Variants in WDFY3 observed in about 807,000 individuals in gnomAD.
The protein encoded by WDFY3 is WD repeat and FYVE domain-containing protein 3.
In WDFY3, 66 loss-of-function variants were observed where a neutral mutation model predicts 409.6. That is an observed-to-expected ratio of 0.16 (90% CI 0.13 to 0.20). The LOEUF is 0.20. Ranked by LOEUF, WDFY3 falls within the 10% of genes least tolerant of loss-of-function variation. WDFY3 has a pLI of 1.00. For synonymous variants in WDFY3, 1,521 were observed against 1,537.1 expected (o/e 0.99, Z 0.25); for missense variants, 3,031 against 4,298.1 (o/e 0.71, Z 8.24).
At chr4:84,852,884 A>G (rs1759222023) in intron 4 of WDFY3, among the ~76,000 whole-genome samples, 1 of 151,862 alleles carries the variant, frequency 6.6e-6, no homozygotes, top group South Asian at 2.1e-4. Flanking sequence ...CAGCCTCCTG[A>G]GTAGCTATGA....
intron 37 of WDFY3, among the ~76,000 whole-genome samples, chr4:84,743,339 T>TAAAA (rs1738791287): frequency 6.6e-6 from 1 of 152,216 alleles, no homozygotes; most frequent in Non-Finnish European, 1.5e-5. Flanking sequence ...TACATATACC[T>TAAAA]ATGACCTAAC....
chr4:84,757,454 A>G (rs1741660706), intron 32 of WDFY3, among the ~76,000 whole-genome samples: 1 of 152,224 alleles, frequency 6.6e-6, no homozygotes, highest in Non-Finnish European at 1.5e-5. Flanking sequence ...AGTTCTACTT[A>G]TTAAATGAAA....
Position 84,781,789 on chromosome 4 carries a change from T to C in WDFY3, c.4174+1174A>G, listed in dbSNP as rs114713278. 5.1e-3 allele frequency among the ~76,000 whole-genome samples: 780 copies of C among 152,276 alleles called. 4 individuals are homozygous for C. The highest frequency in any genetic ancestry group is 7.6e-3 in the Non-Finnish European group (515 of 68,024). The stretch of plus-strand genomic sequence containing the variant: ...TTTGAAAAGGACATACCACAGTGCT[T>C]GTAAGTATTTTTTGAATAAAAGAAC... On this transcript the variant is annotated intron_variant, in intron 25 of 67. Transcript: ENST00000295888.
intron 4 of WDFY3, among the ~76,000 whole-genome samples, chr4:84,856,019 C>G (rs1759719386): frequency 6.6e-6 from 1 of 152,144 alleles, no homozygotes; most frequent in Non-Finnish European, 1.5e-5. Context: ...GGGCTGAATT[C>G]AGCAAGTCCT....
rs1773328210 is a variant in WDFY3, at chr4:84,949,478, G to C, written c.-226+16731C>G. Among the ~76,000 whole-genome samples, 3 of 152,116 alleles carry C rather than the reference G, an allele frequency of 2.0e-5. No individual in the cohort carries two copies. In the South Asian group the frequency reaches 6.2e-4, roughly 32 times the overall value. ...TTATAGCATATTGAAAAGGCCATCT[G>C]ATTCCCAAGAGTTCTAGAAGCAATT... On this transcript the variant is annotated intron_variant, in intron 1 of 67. Coordinates refer to ENST00000295888, the MANE Select transcript of WDFY3 (RefSeq NM_014991.6).
intron 53 of WDFY3, 130 bp downstream of exon 53, chr4:84,708,779 G>C: frequency 1.0e-6 from 1 of 952,828 alleles, no homozygotes; most frequent in Non-Finnish European, 1.5e-6. Flanking sequence ...GGGCTCAAGT[G>C]ATTCGCCTCT....
chr4:84,775,540 G>A (rs1217677152), intron 27 of WDFY3, among the ~76,000 whole-genome samples: 1 of 151,630 alleles, frequency 6.6e-6, no homozygotes, highest in African/African-American at 2.4e-5. Flanking sequence ...CAATAAACTT[G>A]AAGACATAAC....
At position 84,809,868 on chromosome 4, in the gene WDFY3, G is replaced by A. The variant is rs1271424784; in HGVS notation, c.2345+19C>T. The stretch of plus-strand genomic sequence containing the variant: ...CTTAGTATACACCCTTTAATTCAGA[G>A]GACAGAGCAGAGCCATACCTGTCAA... On this transcript the variant is annotated intron_variant, in intron 14 of 67. Transcript: ENST00000295888. 1.2e-6 allele frequency: 2 copies of A among 1,607,582 alleles called. No homozygotes were observed. The highest frequency in any genetic ancestry group is 1.7e-6 in the Non-Finnish European group (2 of 1,176,274).
chr4:84,816,136 A>G (rs897932206), intron 13 of WDFY3, among the ~76,000 whole-genome samples: 13 of 152,118 alleles, frequency 8.5e-5, no homozygotes, highest in Admixed American at 8.5e-4. Flanking sequence ...TCCTGGAATC[A>G]AGGAGGCCTG....
intron 44 of WDFY3, among the ~76,000 whole-genome samples, chr4:84,730,258 A>T (rs897090224): frequency 6.6e-5 from 10 of 152,198 alleles, no homozygotes; most frequent in Non-Finnish European, 1.3e-4. Flanking sequence ...TTTTAGTGGA[A>T]AAGTTTTAGA....
At chr4:84,690,732 A>G in intron 60 of WDFY3, 68 bp from the exon 61 acceptor site, 1 of 1,499,046 alleles carries the variant, frequency 6.7e-7, no homozygotes, top group South Asian at 1.4e-5. Flanking sequence ...AAACTCAAGG[A>G]GCAGAATTGA....
chr4:84,874,589 G>A (rs1489179309), intron 3 of WDFY3, among the ~76,000 whole-genome samples: 1 of 152,004 alleles, frequency 6.6e-6, no homozygotes, highest in Non-Finnish European at 1.5e-5. Flanking sequence ...CAGACTGTTA[G>A]GCCCTTTCAG....
chr4:84,696,710 T>A, intron 57 of WDFY3, 22 bp downstream of exon 57: 1 of 1,608,924 alleles, frequency 6.2e-7, no homozygotes, highest in African/African-American at 1.3e-5. Context: ...TCAACTTCAA[T>A]TGTAAAATGT....
rs149794168 is a variant in WDFY3 at position 84,801,699 on chromosome 4, G to A, written c.2773C>T (p.Arg925Trp). ...TGAGAGGCTAATCGTTCAAACATCC[G>A]CTGCAGGGGCGGGTGCAGTGAGTGG... ...EDHSLHPPLQRMFERLASQAL... is the reference protein window; with the variant it reads ...EDHSLHPPLQWMFERLASQAL... The change falls in exon 17 of 68, where the codon CGG becomes TGG. Residue 925 changes from arginine to tryptophan, a missense_variant. This residue lies in a region of WDFY3 where 1,322 missense variants were observed against 1,697.9 expected (regional missense o/e 0.78). Coordinates refer to ENST00000295888, the MANE Select transcript of WDFY3 (RefSeq NM_014991.6). The A allele has an allele frequency of 1.5e-4, 246 of 1,612,278 alleles. No homozygotes were observed. Among genetic ancestry groups the A allele is most frequent in the Middle Eastern group, 1.9e-4 (1 of 5,148 alleles).
chr4:84,726,771 C>G, intron 45 of WDFY3, 90 bp downstream of exon 45: 1 of 1,118,682 alleles, frequency 8.9e-7, no homozygotes, highest in Non-Finnish European at 1.3e-6. Context: ...TTAAGTTAGT[C>G]TAGTCTACCA....
intron 2 of WDFY3, among the ~76,000 whole-genome samples, chr4:84,900,166 T>C (rs1475398653): frequency 6.6e-6 from 1 of 152,154 alleles, no homozygotes; most frequent in Admixed American, 6.6e-5. Context: ...ACAACCCAAA[T>C]GTCCTTCAGC....
At chr4:84,926,206 A>G (rs1159790276) in intron 2 of WDFY3, among the ~76,000 whole-genome samples, 2 of 145,834 alleles carry the variant, frequency 1.4e-5, no homozygotes, top group African/African-American at 5.1e-5. Context: ...CTCCGTCTCT[A>G]AAAGAAAAAA....
In WDFY3 at chr4:84,735,398, C is replaced by T. The variant is rs190929605; in HGVS notation, c.6916-278G>A. 2.3e-4 allele frequency among the ~76,000 whole-genome samples: 35 copies of T among 152,238 alleles called. No homozygotes were observed. In the East Asian group the frequency reaches 2.7e-3, roughly 12 times the overall value. Reference sequence around the variant, plus strand: ...AGGGATGGCCTTAGCTGCAGAGGGCCGACGGGGTGCCCCACATCCAACGAT... The same window carrying T: ...AGGGATGGCCTTAGCTGCAGAGGGCTGACGGGGTGCCCCACATCCAACGAT... On this transcript the variant is annotated intron_variant, in intron 42 of 67. Transcript: ENST00000295888.
intron 2 of WDFY3, among the ~76,000 whole-genome samples, chr4:84,924,962 C>A (rs1769778955): frequency 6.6e-6 from 1 of 152,142 alleles, no homozygotes; most frequent in Non-Finnish European, 1.5e-5. Flanking sequence ...CCATGAAAAA[C>A]CTCATACCTA....
Sources: gnomAD v4.1 joint callset for allele counts (sites outside exome capture counted in the v4.1 genomes callset) on GRCh38, gnomAD v4.1.1 for gene constraint, gnomAD v4.1.1 regional missense constraint, MANE v1.5 for transcripts, NCBI Gene and HGNC (gene_info 2026-07-23, HGNC 2026-07-21) for gene names.